The following WDR75 variants were observed in gnomAD, a reference collection of about 807,000 sequenced individuals.
WDR75 encodes WD repeat-containing protein 75.
WDR75 carries 52 observed loss-of-function variants against 106.1 expected under a neutral mutation model. That is an observed-to-expected ratio of 0.49 (90% CI 0.39 to 0.62). The LOEUF is 0.62. Among genes scored for constraint, WDR75 ranks in the 20% least tolerant of loss-of-function variants. The probability of loss-of-function intolerance (pLI) is 0.00; values close to 1 mark genes in which losing one functional copy is unlikely to be tolerated. For missense variants in WDR75, 905 were observed against 970.3 expected (o/e 0.93, Z 0.89); for synonymous variants, 333 against 335.5 (o/e 0.99, Z 0.08).
intron 1 of WDR75, among the ~76,000 whole-genome samples, chr2:189,442,946 C>G (rs1686416698): frequency 6.6e-6 from 1 of 152,132 alleles, no homozygotes; most frequent in South Asian, 2.1e-4. Context: ...GGACTCATAT[C>G]CATGTAACCA....
intron 1 of WDR75, among the ~76,000 whole-genome samples, chr2:189,445,781 A>G (rs757990924): frequency 8.5e-5 from 13 of 152,194 alleles, no homozygotes; most frequent in Non-Finnish European, 1.5e-4. Flanking sequence ...TCTTCTGTAA[A>G]TCTAAAATTA....
intron 18 of WDR75, among the ~76,000 whole-genome samples, chr2:189,472,504 T>C (rs1687137596): frequency 6.6e-6 from 1 of 152,208 alleles, no homozygotes; most frequent in Admixed American, 6.5e-5. Context: ...TTGTTTGTTT[T>C]CTGGAAGATT....
rs760983475 is a variant in WDR75, at chr2:189,459,363, T to C, written c.717T>C (p.Tyr239=). The change falls in exon 8 of 21, where the codon TAT becomes TAC. Residue 239 remains tyrosine (Y), a synonymous_variant. Coordinates refer to ENST00000314761, the MANE Select transcript of WDR75 (RefSeq NM_032168.3). ...LWRNFYDDKK[Y]TYTCLHWHHD... ...GGAATTTTTATGATGATAAGAAATA[T>C]ACGTACACATGTTTACATTGGCACC... The C allele has an allele frequency of 1.5e-5, 24 of 1,612,244 alleles. No individual in the cohort carries two copies. The highest frequency in any genetic ancestry group is 2.7e-5 in the African/African-American group (2 of 74,884).
chr2:189,443,716 G>C lies in WDR75; in HGVS notation c.86+2138G>C, dbSNP rs140211891. 2.5e-4 allele frequency among the ~76,000 whole-genome samples: 38 copies of C among 152,252 alleles called. No individual in the cohort carries two copies. The East Asian group carries it at 5.6e-3, about 22-fold the overall frequency. ...GTTTGCCTCACCAGTAATACTGGGG[G>C]ATGGAATGCCAGGCAAACAAGCTTG... On this transcript the variant is annotated intron_variant, in intron 1 of 20. Transcript: ENST00000314761.
In WDR75 at chr2:189,466,535, A is replaced by G. The variant is rs1273632337; in HGVS notation, c.1400A>G (p.Asp467Gly). ...CCCACCTTGGTTACAGCTAGCAAAG[A>G]TGGTTACTTCAAAGTATGGATATTA... ...EQPTLVTASK[D>G]GYFKVWILTD... The change falls in exon 13 of 21, where the codon GAT becomes GGT. Residue 467 changes from aspartate (D) to glycine (G), a missense_variant. Asp to Gly is a moderately conservative substitution (Grantham distance 94, BLOSUM62 -1). Coordinates refer to ENST00000314761, the MANE Select transcript of WDR75 (RefSeq NM_032168.3). 2 of 1,613,166 alleles carry G rather than the reference A, an allele frequency of 1.2e-6. No homozygotes were observed. The highest frequency in any genetic ancestry group is 1.7e-6 in the Non-Finnish European group (2 of 1,179,408).
At chr2:189,463,810 T>C in intron 10 of WDR75, 36 bp from the exon 11 acceptor site, 1 of 1,613,498 alleles carries the variant, frequency 6.2e-7, no homozygotes, top group Non-Finnish European at 8.5e-7. Context: ...TGCATATTTC[T>C]CTTATTTCAC....
In WDR75 at chr2:189,463,929, T is replaced by C. The variant is rs911360808; in HGVS notation, c.1081T>C (p.Tyr361His). The C allele has an allele frequency of 6.2e-7, 1 of 1,613,888 alleles. No individual in the cohort carries two copies. The highest frequency in any genetic ancestry group is 8.5e-7 in the Non-Finnish European group (1 of 1,179,800). Residue 361 changes from tyrosine (Y) to histidine (H), a missense_variant, in exon 11 of 21, where the codon TAT (tyrosine) becomes CAT (histidine). Transcript: ENST00000314761. ...LNGKPGHLQF[Y>H]SLQSDKQLYN... ...TGGAAAACCTGGCCACCTGCAGTTTTATTCTCTCCAGAGTGATAAACAGTT... is the reference window on the plus strand; with the variant it reads ...TGGAAAACCTGGCCACCTGCAGTTTCATTCTCTCCAGAGTGATAAACAGTT...
At chr2:189,464,407 T>C (rs1686959997) in intron 11 of WDR75, among the ~76,000 whole-genome samples, 1 of 152,154 alleles carries the variant, frequency 6.6e-6, no homozygotes, top group South Asian at 2.1e-4. Context: ...TGTCCCACTT[T>C]TCTTGTTCCC....
chr2:189,475,324 A>G lies in WDR75; in HGVS notation c.2400A>G (p.Leu800=), dbSNP rs115321424. 103 of 1,612,588 alleles carry G rather than the reference A, an allele frequency of 6.4e-5. No homozygotes were observed. In the East Asian group the frequency reaches 2.3e-3, roughly 36 times the overall value. The part of the protein sequence containing the change: ...EKVQDTSNTG[L]GEDIIHQLSK... ...TCCAGGATACAAGTAACACAGGTTT[A>G]GGAGAAGACATTATACATCAGTTGT... Residue 800 remains leucine (L), a synonymous_variant, in exon 21 of 21, where the codon TTA becomes TTG. Coordinates refer to ENST00000314761, the MANE Select transcript of WDR75 (RefSeq NM_032168.3).
At chr2:189,469,953 C>A in intron 16 of WDR75, 123 bp from the exon 17 acceptor site, 1 of 830,912 alleles carries the variant, frequency 1.2e-6, no homozygotes, top group Non-Finnish European at 1.9e-6. Flanking sequence ...AAGCCTAAAA[C>A]AGTCATGACT....
chr2:189,466,684 A>T (rs1687008208), intron 13 of WDR75, 102 bp downstream of exon 13: 1 of 1,201,868 alleles, frequency 8.3e-7, no homozygotes, highest in Middle Eastern at 2.3e-4. Context: ...TTTCTACTTT[A>T]TTGAATTCTA....
intron 18 of WDR75, among the ~76,000 whole-genome samples, chr2:189,471,218 C>G (rs1024398348): frequency 2.0e-5 from 3 of 152,138 alleles, no homozygotes; most frequent in Non-Finnish European, 4.4e-5. Context: ...TCTAAGAAAT[C>G]TCTAAGAAAT....
chr2:189,442,782 G>A (rs957147516), intron 1 of WDR75, among the ~76,000 whole-genome samples: 5 of 152,076 alleles, frequency 3.3e-5, no homozygotes, highest in Non-Finnish European at 7.4e-5. Context: ...GTGTACGACA[G>A]GTAGTTGTTG....
intron 9 of WDR75, 94 bp downstream of exon 9, chr2:189,462,736 GA>G (rs1686922239): frequency 8.1e-7 from 1 of 1,230,806 alleles, no homozygotes; most frequent in Admixed American, 2.2e-5. Flanking sequence ...CTAAAACTAA[GA>G]GTAGCGTATG....
At chr2:189,464,979 G>A (rs1686970511) in intron 11 of WDR75, 100 bp from the exon 12 acceptor site, 5 of 921,194 alleles carry the variant, frequency 5.4e-6, no homozygotes, top group African/African-American at 5.0e-5. Flanking sequence ...CAGTACAGAA[G>A]TTGTCTTGGA....
rs891734537 is a variant in WDR75 at position 189,469,370 on chromosome 2, A to G, written c.1750A>G (p.Arg584Gly). 2 of 1,613,384 alleles carry G rather than the reference A, an allele frequency of 1.2e-6. No individual in the cohort carries two copies. Among genetic ancestry groups the G allele is most frequent in the South Asian group, 1.1e-5 (1 of 91,062 alleles). The change falls in exon 16 of 21, where the codon AGA becomes GGA. Residue 584 changes from arginine to glycine, a missense_variant. Arg to Gly is a moderately radical substitution (Grantham distance 125). Coordinates refer to ENST00000314761, the MANE Select transcript of WDR75 (RefSeq NM_032168.3). ...ALEWNAKLNV[R>G]VMEPDPNSEN... ...GGAGTGGAATGCAAAATTAAATGTT[A>G]GAGTTATGGAACCCGATCCTAATTC...
At chr2:189,466,293 T>C in intron 12 of WDR75, 132 bp from the exon 13 acceptor site, 2 of 984,736 alleles carry the variant, frequency 2.0e-6, no homozygotes, top group Non-Finnish European at 3.1e-6. Flanking sequence ...CACTCAATTG[T>C]TTGTCATTCT....
rs779164510 is a variant in WDR75, at chr2:189,455,408, A to T, written c.462A>T (p.Ile154=). ...AKELSFVLDY[I]NQSPKCIAFG... is the part of the protein sequence containing the mutation. ...AGCTGTCCTTTGTTTTGGATTACAT[A>T]AACCAGTCACCCAAGTGCATTGCCT... The change falls in exon 5 of 21, where the codon ATA becomes ATT. Residue 154 remains isoleucine (I), a synonymous_variant. Coordinates refer to ENST00000314761, the MANE Select transcript of WDR75 (RefSeq NM_032168.3). 1 of 1,613,884 alleles carries T rather than the reference A, an allele frequency of 6.2e-7. No individual in the cohort carries two copies. The highest frequency in any genetic ancestry group is 1.3e-5 in the African/African-American group (1 of 74,928).
chr2:189,469,133 C>A (rs1373156494), intron 15 of WDR75, among the ~76,000 whole-genome samples: 1 of 152,154 alleles, frequency 6.6e-6, no homozygotes, highest in Non-Finnish European at 1.5e-5. Context: ...AAATAATAAT[C>A]TTTTCATAGT....
Sources: gnomAD v4.1 joint callset for allele counts (sites outside exome capture counted in the v4.1 genomes callset) on GRCh38, gnomAD v4.1.1 for gene constraint, MANE v1.5 for transcripts, NCBI Gene and HGNC (gene_info 2026-07-23, HGNC 2026-07-21) for gene names.